STAG1: variants seen among roughly 807,000 people sequenced by gnomAD.
The protein encoded by STAG1 is cohesin subunit SA-1.
STAG1 carries 26 observed loss-of-function variants against 170.9 expected under a neutral mutation model. The observed-to-expected ratio is 0.15, with a 90% CI of 0.11 to 0.21. The LOEUF is 0.21. Among genes scored for constraint, STAG1 ranks in the 10% least tolerant of loss-of-function variants. STAG1 has a pLI of 1.00. For missense variants in STAG1, 964 were observed against 1,509.5 expected (o/e 0.64, Z 5.99); for synonymous variants, 514 against 497.7 (o/e 1.03, Z -0.44).
intron 1 of STAG1, among the ~76,000 whole-genome samples, chr3:136,738,528 G>A (rs962038439): frequency 1.3e-5 from 2 of 152,098 alleles, no homozygotes; most frequent in African/African-American, 4.8e-5. Context: ...GCACGCGCCT[G>A]AGGTCCCAGC....
At chr3:136,705,387 AC>A (rs1943200683) in intron 1 of STAG1, among the ~76,000 whole-genome samples, 3 of 33,822 alleles carry the variant, frequency 8.9e-5, no homozygotes, top group South Asian at 7.4e-4. Flanking sequence ...AAACACACAC[AC>A]ACACACACAC....
At chr3:136,645,905 T>C (rs1940992405) in intron 1 of STAG1, among the ~76,000 whole-genome samples, 1 of 152,228 alleles carries the variant, frequency 6.6e-6, no homozygotes, top group Non-Finnish European at 1.5e-5. Flanking sequence ...TGCCCTGCCC[T>C]ACCATATGTC....
intron 22 of STAG1, among the ~76,000 whole-genome samples, chr3:136,386,056 G>C (rs1360128330): frequency 6.6e-6 from 1 of 152,132 alleles, no homozygotes; most frequent in Non-Finnish European, 1.5e-5. Context: ...ATACAGTCTT[G>C]GCCGGGCGCA....
rs372586641 is a variant in STAG1 at position 136,478,833 on chromosome 3, T to C, written c.903-1421A>G. 2.6e-5 allele frequency among the ~76,000 whole-genome samples: 4 copies of C among 152,286 alleles called. No individual in the cohort carries two copies. The East Asian group carries it at 7.7e-4, about 29-fold the overall frequency. Reference sequence around the variant, plus strand: ...CAACATAGTGGCTAAAAGTACAGGCTCTGGAGGAAGACATCCTGAGTTCAA... The same window carrying C: ...CAACATAGTGGCTAAAAGTACAGGCCCTGGAGGAAGACATCCTGAGTTCAA... On this transcript the variant is annotated intron_variant, in intron 9 of 33. Coordinates refer to ENST00000383202, the MANE Select transcript of STAG1 (RefSeq NM_005862.3).
chr3:136,551,081 T>C (rs1054427092), intron 5 of STAG1, among the ~76,000 whole-genome samples: 3 of 152,150 alleles, frequency 2.0e-5, no homozygotes, highest in Non-Finnish European at 4.4e-5. Context: ...GAAGTCACTA[T>C]GCACAGCCCA....
chr3:136,490,080 G>A (rs1211782688), intron 9 of STAG1, among the ~76,000 whole-genome samples: 5 of 151,756 alleles, frequency 3.3e-5, no homozygotes, highest in Admixed American at 6.6e-5. Flanking sequence ...TTACTCCATC[G>A]CCCAGGCTGG....
intron 15 of STAG1, among the ~76,000 whole-genome samples, chr3:136,440,757 A>G (rs908132325): frequency 1.3e-5 from 2 of 151,864 alleles, no homozygotes; most frequent in Non-Finnish European, 2.9e-5. Context: ...TGGGAGGGTG[A>G]GGTGGGAGGA....
chr3:136,543,473 T>C (rs1012707862), intron 5 of STAG1, among the ~76,000 whole-genome samples: 4 of 152,276 alleles, frequency 2.6e-5, no homozygotes, highest in South Asian at 4.1e-4. Context: ...AAACACGCTC[T>C]TGTATAAATA....
At chr3:136,491,287 C>T (rs552570122) in intron 9 of STAG1, among the ~76,000 whole-genome samples, 23 of 152,144 alleles carry the variant, frequency 1.5e-4, no homozygotes, top group Non-Finnish European at 2.9e-4. Flanking sequence ...CCAAGGGCTT[C>T]TCTCTTTTCC....
chr3:136,587,673 G>A (rs917803204), intron 4 of STAG1, among the ~76,000 whole-genome samples: 5 of 151,582 alleles, frequency 3.3e-5, no homozygotes, highest in Admixed American at 3.3e-4. Flanking sequence ...AAATTAGCCA[G>A]GCCAGGCATG....
chr3:136,348,745 C>G (rs2108267480), intron 29 of STAG1: 1 of 184,966 alleles, frequency 5.4e-6, no homozygotes, highest in African/African-American at 2.4e-5. Flanking sequence ...AGTGGTAGAA[C>G]TGGAAAACAA....
intron 1 of STAG1, among the ~76,000 whole-genome samples, chr3:136,724,009 C>T (rs1933501866): frequency 1.3e-5 from 2 of 150,880 alleles, no homozygotes; most frequent in Admixed American, 6.6e-5. Context: ...CAGCCAGCCG[C>T]CCCGTCCGGG....
At chr3:136,409,289 A>G (rs1005336076) in intron 21 of STAG1, among the ~76,000 whole-genome samples, 1 of 151,986 alleles carries the variant, frequency 6.6e-6, no homozygotes, top group African/African-American at 2.4e-5. Context: ...AATAAAAGTA[A>G]ATAAATAATA....
At chr3:136,498,119 G>A (rs1466130796) in intron 9 of STAG1, among the ~76,000 whole-genome samples, 6 of 147,818 alleles carry the variant, frequency 4.1e-5, no homozygotes, top group South Asian at 2.2e-4. Context: ...TTGAACCCGG[G>A]AGGCGGAGGT....
chr3:136,746,835 G>A (rs192399629), intron 1 of STAG1, among the ~76,000 whole-genome samples: 6 of 151,802 alleles, frequency 4.0e-5, no homozygotes, highest in Non-Finnish European at 7.4e-5. Flanking sequence ...AGTGCCTCAA[G>A]CCTGTAATCC....
chr3:136,528,359 G>A (rs577201571), intron 6 of STAG1, among the ~76,000 whole-genome samples: 26 of 152,144 alleles, frequency 1.7e-4, no homozygotes, highest in African/African-American at 6.0e-4. Flanking sequence ...GAGGCTCCGT[G>A]GGCATGGGAC....
intron 29 of STAG1, among the ~76,000 whole-genome samples, chr3:136,344,275 A>C (rs1936124435): frequency 2.0e-5 from 3 of 152,070 alleles, no homozygotes; most frequent in Admixed American, 2.0e-4. Context: ...GTTAGCTATC[A>C]TCACATCATC....
At chr3:136,590,630 C>A (rs184416089) in intron 4 of STAG1, among the ~76,000 whole-genome samples, 240 of 152,160 alleles carry the variant, frequency 1.6e-3, no homozygotes, top group African/African-American at 5.6e-3. Context: ...TGTAAAATAT[C>A]CTGGACCAGT....
chr3:136,599,374 T>TA (rs559638650), intron 4 of STAG1, among the ~76,000 whole-genome samples: 131 of 151,720 alleles, frequency 8.6e-4, no homozygotes, highest in African/African-American at 2.8e-3. Flanking sequence ...CTACTAAAAA[T>TA]AAAAAAATTA....
Sources: gnomAD v4.1 joint callset for allele counts (sites outside exome capture counted in the v4.1 genomes callset) on GRCh38, gnomAD v4.1.1 for gene constraint, MANE v1.5 for transcripts, NCBI Gene and HGNC (gene_info 2026-07-23, HGNC 2026-07-21) for gene names.